Variants in TCOF1 observed in about 807,000 individuals in gnomAD.
TCOF1 encodes the protein treacle protein.
Under a neutral mutation model 149.0 loss-of-function variants are expected in TCOF1, and 33 were observed. The observed-to-expected ratio is 0.22, with a 90% confidence interval of 0.17 to 0.30. TCOF1 has a LOEUF of 0.30. Among genes scored for constraint, TCOF1 ranks in the 10% least tolerant of loss-of-function variants. The pLI, the probability that TCOF1 is intolerant of heterozygous loss-of-function variation, is 1.00. For missense variants in TCOF1, 1,728 were observed against 1,840.7 expected (o/e 0.94, Z 1.12); for synonymous variants, 789 against 738.8 (o/e 1.07, Z -1.10).
chr5:150,382,715 G>A (rs749184676), intron 17 of TCOF1, among the ~76,000 whole-genome samples: 10 of 152,262 alleles, frequency 6.6e-5, no homozygotes, highest in Non-Finnish European at 1.3e-4. Context: ...GAGGTGAGCT[G>A]TGCTGGGACC....
intron 17 of TCOF1, 69 bp downstream of exon 17, chr5:150,379,801 G>A (rs755200761): frequency 1.3e-6 from 2 of 1,560,476 alleles, no homozygotes; most frequent in East Asian, 2.4e-5. Context: ...GCTGGGCGTG[G>A]TGGCTCACAC....
rs182944244 is a variant in TCOF1 at position 150,372,395 on chromosome 5, G to A, written c.870+159G>A. On this transcript the variant is annotated intron_variant, in intron 7 of 26. Coordinates refer to ENST00000643257, the MANE Select transcript of TCOF1 (RefSeq NM_001371623.1). ...AGCCTGCTTCCCACAGGGGAGTCTT[G>A]CACTCCACTTTGTCTGTGACCAACT... 2.6e-5 allele frequency among the ~76,000 whole-genome samples: 4 copies of A among 152,350 alleles called. No homozygotes were observed. In the East Asian group the frequency reaches 7.7e-4, roughly 29 times the overall value.
Position 150,389,906 on chromosome 5 carries a change from G to C in TCOF1, c.3066G>C (p.Val1022=), listed in dbSNP as rs375763860. The C allele has an allele frequency of 6.2e-7, 1 of 1,614,088 alleles. No homozygotes were observed. The highest frequency in any genetic ancestry group is 1.3e-5 in the African/African-American group (1 of 74,932). Residue 1022 remains valine, a synonymous_variant, in exon 19 of 27, where the codon GTG becomes GTC. Transcript: ENST00000643257. Reference sequence around the variant, plus strand: ...TTTCAGGCATCAGAACCAATGTGGTGACCATGCCCACTGCCCACCCAAGAA... The same window carrying C: ...TTTCAGGCATCAGAACCAATGTGGTCACCATGCCCACTGCCCACCCAAGAA... The part of the protein sequence containing the change: ...CLTPGIRTNV[V]TMPTAHPRIA...
Position 150,364,164 on chromosome 5 carries a change from A to C in TCOF1, c.216A>C (p.Gln72His). 6.2e-7 allele frequency: 1 copy of C among 1,614,176 alleles called. No individual in the cohort carries two copies. The highest frequency in any genetic ancestry group is 8.5e-7 in the Non-Finnish European group (1 of 1,180,040). Residue 72 changes from glutamine to histidine, a missense_variant, in exon 3 of 27, where the codon CAA becomes CAC. Around this residue, in one of 2 missense-constraint regions of TCOF1, gnomAD observed 1,696 missense variants for 1,765.4 expected, o/e 0.96. Transcript: ENST00000643257. ...KRKAEEDAALQAKKTRVSDPI... is the reference protein window; with the variant it reads ...KRKAEEDAALHAKKTRVSDPI... ...AGGCAGAGGAAGATGCGGCACTGCA[A>C]GCTAAGAAAACCCGTGTGTCAGACC...
At position 150,372,102 on chromosome 5, in the gene TCOF1, G is replaced by A; in HGVS notation, c.736G>A (p.Gly246Arg). 1.2e-6 allele frequency: 2 copies of A among 1,614,230 alleles called. No homozygotes were observed. The highest frequency in any genetic ancestry group is 1.7e-6 in the Non-Finnish European group (2 of 1,180,040). Residue 246 changes from glycine (G) to arginine (R), a missense_variant, in exon 7 of 27, where the codon GGG becomes AGG. This residue lies in a region of TCOF1 where 1,696 missense variants were observed against 1,765.4 expected (regional missense o/e 0.96). Coordinates refer to ENST00000643257, the MANE Select transcript of TCOF1 (RefSeq NM_001371623.1). ...RKAAPAPGKV[G>R]DVTPQVKGGA... ...GGCGGCCCCAGCCCCTGGGAAGGTG[G>A]GGGATGTGACACCCCAGGTCAAAGG...
chr5:150,381,398 A>G (rs1051879663), intron 17 of TCOF1, among the ~76,000 whole-genome samples: 1 of 152,216 alleles, frequency 6.6e-6, no homozygotes, highest in African/African-American at 2.4e-5. Context: ...ATCGCAGACT[A>G]TGCTAGTGGT....
chr5:150,398,959 G>T, intron 25 of TCOF1, 63 bp from the exon 26 acceptor site: 2 of 1,612,190 alleles, frequency 1.2e-6, no homozygotes, highest in Middle Eastern at 1.6e-4. Context: ...TCAGGAGGTG[G>T]GGGCAGCAGT....
rs890370543 is a variant in TCOF1, at chr5:150,368,875, C to T, written c.538C>T (p.Pro180Ser). 1.5e-5 allele frequency: 25 copies of T among 1,613,720 alleles called. No individual in the cohort carries two copies. In the Admixed American group the frequency reaches 2.7e-4, roughly 17 times the overall value. Residue 180 changes from proline to serine, a missense_variant, in exon 5 of 27, where the codon CCG becomes TCG. By Grantham distance (74) the Pro-to-Ser change is moderately conservative. This residue lies in a region of TCOF1 where 1,696 missense variants were observed against 1,765.4 expected (regional missense o/e 0.96). Coordinates refer to ENST00000643257, the MANE Select transcript of TCOF1 (RefSeq NM_001371623.1). The stretch of plus-strand genomic sequence containing the variant: ...AGAAACTGAGGAGGAGGGCAGCGTC[C>T]CGGCCTTTGGAGCTGCTGCCAAGCC... ...VSETEEEGSVPAFGAAAKPGM... is the reference protein window; with the variant it reads ...VSETEEEGSVSAFGAAAKPGM...
intron 17 of TCOF1, among the ~76,000 whole-genome samples, chr5:150,385,231 A>T (rs538980198): frequency 6.6e-6 from 1 of 152,194 alleles, no homozygotes; most frequent in Non-Finnish European, 1.5e-5. Context: ...CCTGCTCTCA[A>T]AGTTTTAGGT....
At chr5:150,381,613 G>A (rs1385839216) in intron 17 of TCOF1, among the ~76,000 whole-genome samples, 1 of 152,216 alleles carries the variant, frequency 6.6e-6, no homozygotes, top group Non-Finnish European at 1.5e-5. Context: ...GATTTATGGA[G>A]GACCTAAATG....
At chr5:150,371,560 C>T (rs1762528743) in intron 6 of TCOF1, among the ~76,000 whole-genome samples, 2 of 152,080 alleles carry the variant, frequency 1.3e-5, no homozygotes, top group African/African-American at 4.8e-5. Flanking sequence ...AGGAATTTGC[C>T]CAAGGTGTGG....
chr5:150,367,681 C>T (rs933277563), intron 3 of TCOF1, 163 bp from the exon 4 acceptor site: 21 of 731,974 alleles, frequency 2.9e-5, no homozygotes, highest in African/African-American at 8.7e-5. Context: ...CTGGCTGATG[C>T]ATCACAGAGC....
At chr5:150,376,657 C>A in intron 14 of TCOF1, 37 bp downstream of exon 14, 3 of 1,546,760 alleles carry the variant, frequency 1.9e-6, no homozygotes, top group Non-Finnish European at 2.6e-6. Context: ...CCCACCCACA[C>A]CTGTTCCTGA....
At chr5:150,370,700 C>T (rs959262667) in intron 6 of TCOF1, among the ~76,000 whole-genome samples, 2 of 152,176 alleles carry the variant, frequency 1.3e-5, no homozygotes, top group Non-Finnish European at 2.9e-5. Flanking sequence ...GGCACGGTGG[C>T]TCGCACCTGT....
At chr5:150,398,004 G>C (rs1768922166) in intron 24 of TCOF1, among the ~76,000 whole-genome samples, 2 of 152,232 alleles carry the variant, frequency 1.3e-5, no homozygotes, top group African/African-American at 4.8e-5. Context: ...CTCACTGCAG[G>C]CTCAGCCTCC....
intron 2 of TCOF1, 61 bp downstream of exon 2, chr5:150,361,272 A>G (rs772543538): frequency 2.3e-5 from 36 of 1,572,704 alleles, no homozygotes; most frequent in Non-Finnish European, 3.1e-5. Flanking sequence ...TCAGCTTGGA[A>G]TAAGCTGGGA....
At chr5:150,395,288 C>T (rs973619379) in intron 23 of TCOF1, among the ~76,000 whole-genome samples, 16 of 152,230 alleles carry the variant, frequency 1.1e-4, no homozygotes, top group African/African-American at 3.9e-4. Flanking sequence ...CAAACACCTC[C>T]AGGACCAAAC....
chr5:150,370,336 AAG>A lies in TCOF1; in HGVS notation c.639+739_639+740del, dbSNP rs577628048. ...AATGGCATGTGCAGAGAAGGCGGCA[AAG>A]AGAGTTTGGTGCTTTTAAAGAACAT... On this transcript the variant is annotated intron_variant, in intron 6 of 26. Transcript: ENST00000643257. Among the ~76,000 whole-genome samples, 6 of 152,318 alleles carry A rather than the reference AAG, an allele frequency of 3.9e-5. No homozygotes were observed. In the South Asian group the frequency reaches 6.2e-4, roughly 16 times the overall value.
chr5:150,372,386 G>T, intron 7 of TCOF1, 150 bp downstream of exon 7: 1 of 711,132 alleles, frequency 1.4e-6, no homozygotes, highest in Admixed American at 2.9e-5. Flanking sequence ...CTTCCCACAG[G>T]GGAGTCTTGC....
Sources: gnomAD v4.1 joint callset for allele counts (sites outside exome capture counted in the v4.1 genomes callset) on GRCh38, gnomAD v4.1.1 for gene constraint, gnomAD v4.1.1 regional missense constraint, MANE v1.5 for transcripts, NCBI Gene and HGNC (gene_info 2026-07-23, HGNC 2026-07-21) for gene names.